Variants in NAP1L4 observed in about 807,000 individuals in gnomAD.
NAP1L4 encodes nucleosome assembly protein 1-like 4.
A neutral mutation model predicts 58.2 loss-of-function variants in NAP1L4; 15 were observed. That is an observed-to-expected ratio of 0.26 (90% CI 0.17 to 0.40). The LOEUF (loss-of-function observed/expected upper bound fraction) is 0.40. Among genes scored for constraint, NAP1L4 ranks in the 10% least tolerant of loss-of-function variants. The pLI is 1.00. For missense variants in NAP1L4, 384 were observed against 451.1 expected (o/e 0.85, Z 1.35); for synonymous variants, 171 against 155.6 (o/e 1.10, Z -0.74).
chr11:2,954,391 A>C lies in NAP1L4; in HGVS notation c.1035+136T>G. 1 of 1,244,798 alleles carries C rather than the reference A, an allele frequency of 8.0e-7. No individual in the cohort carries two copies. Among genetic ancestry groups the C allele is most frequent in the South Asian group, 1.3e-5 (1 of 79,094 alleles). 77.1% of individuals were successfully genotyped at this position (1,244,798 alleles called of 1,614,324 possible). On this transcript the variant is annotated intron_variant, in intron 12 of 15. Coordinates refer to ENST00000380542, the MANE Select transcript of NAP1L4 (RefSeq NM_005969.4). The surrounding 1 kb of genome is among the most constrained non-coding windows in gnomAD (Gnocchi z 4.8). The stretch of plus-strand genomic sequence containing the variant: ...GTATTCCCCCCACAACAAGGACAGC[A>C]GCTTGGACTACATATCTGGCTGATG...
At chr11:2,958,292 C>T in intron 10 of NAP1L4, 107 bp downstream of exon 10, 1 of 1,205,104 alleles carries the variant, frequency 8.3e-7, no homozygotes, top group Non-Finnish European at 1.2e-6. Context: ...ACTGACCACA[C>T]TTGCCTGAAA....
At chr11:2,974,532 AT>A (rs1847836663) in intron 4 of NAP1L4, among the ~76,000 whole-genome samples, 1 of 152,206 alleles carries the variant, frequency 6.6e-6, no homozygotes, top group African/African-American at 2.4e-5. Flanking sequence ...TGCAAAAAAA[AT>A]AACATCAAAA....
At chr11:2,986,277 G>C (rs1252527113) in intron 1 of NAP1L4, among the ~76,000 whole-genome samples, 1 of 151,982 alleles carries the variant, frequency 6.6e-6, no homozygotes, top group Non-Finnish European at 1.5e-5. Flanking sequence ...AGGAGGCTGA[G>C]GCAGGAGAAC....
chr11:2,962,971 G>A (rs1403695708), intron 8 of NAP1L4, among the ~76,000 whole-genome samples: 7 of 151,376 alleles, frequency 4.6e-5, no homozygotes, highest in Non-Finnish European at 7.4e-5. Context: ...GTGGTGGTGC[G>A]TGCCTGTAGT....
At position 2,948,720 on chromosome 11, in the gene NAP1L4, A is replaced by G. The variant is rs968270570; in HGVS notation, c.*32+507T>C. On this transcript the variant is annotated intron_variant, in intron 15 of 15. Transcript: ENST00000380542. This position sits in a 1 kb window ranked among gnomAD's most constrained non-coding sequence, Gnocchi z 5.1. ...TGTTTCAGATAAAAAATGCTGGCACAGTAAAAGCTGTTACCCCTCTGTGTA... is the reference window on the plus strand; with the variant it reads ...TGTTTCAGATAAAAAATGCTGGCACGGTAAAAGCTGTTACCCCTCTGTGTA... Among the ~76,000 whole-genome samples the G allele has an allele frequency of 6.6e-6, 1 of 152,268 alleles. No homozygotes were observed. Among genetic ancestry groups the G allele is most frequent in the Admixed American group, 6.5e-5 (1 of 15,290 alleles).
chr11:2,972,879 G>C (rs961613976), intron 4 of NAP1L4, among the ~76,000 whole-genome samples: 3 of 152,178 alleles, frequency 2.0e-5, no homozygotes, highest in African/African-American at 7.2e-5. Flanking sequence ...GCTGAGGTGG[G>C]AGGATCACTT....
intron 12 of NAP1L4, chr11:2,952,598 A>G (rs1322570993): frequency 6.6e-6 from 1 of 152,292 alleles, no homozygotes; most frequent in Non-Finnish European, 1.5e-5. Flanking sequence ...GAGTTCACAC[A>G]GTGTGCACAG....
Position 2,959,492 on chromosome 11 carries a change from T to C in NAP1L4, c.746+278A>G, listed in dbSNP as rs2071115. Among the ~76,000 whole-genome samples, 43,974 of 152,128 alleles carry C rather than the reference T, an allele frequency of 0.29. 7,229 individuals carry two copies. The highest frequency in any genetic ancestry group is 0.45 in the African/African-American group (18,640 of 41,480). On this transcript the variant is annotated intron_variant, in intron 9 of 15. Coordinates refer to ENST00000380542, the MANE Select transcript of NAP1L4 (RefSeq NM_005969.4). This position sits in a 1 kb window ranked among gnomAD's most constrained non-coding sequence, Gnocchi z 4.9. ...ACTTCAATTCACGATGTCTAGAGAA[T>C]CCACTACTTTCATTAAAATGAAGAA...
At chr11:2,952,472 A>G (rs934409520) in intron 12 of NAP1L4, 3 of 152,448 alleles carry the variant, frequency 2.0e-5, no homozygotes, top group African/African-American at 7.2e-5. Flanking sequence ...TAACAAGGGT[A>G]GTGCATGAAA....
At chr11:2,947,602 G>C (rs746051115) in intron 15 of NAP1L4, among the ~76,000 whole-genome samples, 46 of 151,786 alleles carry the variant, frequency 3.0e-4, no homozygotes, top group Admixed American at 2.9e-3. Flanking sequence ...ATTGTTTTTA[G>C]CTTGTGACAC....
chr11:2,976,390 T>C (rs1350592745), intron 3 of NAP1L4, among the ~76,000 whole-genome samples: 2 of 152,224 alleles, frequency 1.3e-5, no homozygotes, highest in African/African-American at 4.8e-5. Context: ...ACCAGGACTG[T>C]GGCTGTTTAA....
chr11:2,954,257 T>C lies in NAP1L4; in HGVS notation c.1035+270A>G. 1 of 529,648 alleles carries C rather than the reference T, an allele frequency of 1.9e-6. No homozygotes were observed. Among genetic ancestry groups the C allele is most frequent in the Non-Finnish European group, 3.4e-6 (1 of 293,570 alleles). 32.8% of individuals were successfully genotyped at this position (529,648 alleles called of 1,614,324 possible). ...TGAAGCTTAGGTTTTGAGAGAATATTGTTGAGTCACTAGGCAGGGCTCACA... is the reference window on the plus strand; with the variant it reads ...TGAAGCTTAGGTTTTGAGAGAATATCGTTGAGTCACTAGGCAGGGCTCACA... On this transcript the variant is annotated intron_variant, in intron 12 of 15. Coordinates refer to ENST00000380542, the MANE Select transcript of NAP1L4 (RefSeq NM_005969.4). This position sits in a 1 kb window ranked among gnomAD's most constrained non-coding sequence, Gnocchi z 4.8.
rs1846054361 is a variant in NAP1L4, at chr11:2,948,479, GGTCTC to G, written c.*32+743_*32+747del. Among the ~76,000 whole-genome samples the G allele has an allele frequency of 6.6e-6, 1 of 152,176 alleles. No homozygotes were observed. Among genetic ancestry groups the G allele is most frequent in the African/African-American group, 2.4e-5 (1 of 41,432 alleles). On this transcript the variant is annotated intron_variant, in intron 15 of 15. Coordinates refer to ENST00000380542, the MANE Select transcript of NAP1L4 (RefSeq NM_005969.4). This position sits in a 1 kb window ranked among gnomAD's most constrained non-coding sequence, Gnocchi z 5.1. The stretch of plus-strand genomic sequence containing the variant: ...ACATCCCGAGTGCCACGAGTGAACA[GGTCTC>G]GTCACGGGCAAGAGCCTCTGTCTAC...
At chr11:2,973,571 C>A (rs1847771065) in intron 4 of NAP1L4, among the ~76,000 whole-genome samples, 1 of 152,144 alleles carries the variant, frequency 6.6e-6, no homozygotes, top group African/African-American at 2.4e-5. Flanking sequence ...CCTTGCATCC[C>A]AAAGGACCAC....
At position 2,944,729 on chromosome 11, in the gene NAP1L4, G is replaced by C. The variant is rs1845850319; in HGVS notation, c.*950C>G. The C allele has an allele frequency of 6.6e-6, 1 of 152,218 alleles. No homozygotes were observed. The highest frequency in any genetic ancestry group is 1.5e-5 in the Non-Finnish European group (1 of 68,048). The allele number at this position is 152,218 out of a possible 1,614,324, so 9.4% of individuals were successfully genotyped here. ...TGACGCTCATACGCTCCACTGAAACGCAGGACTTCCCAGCCCAGTCCCTCA... is the reference window on the plus strand; with the variant it reads ...TGACGCTCATACGCTCCACTGAAACCCAGGACTTCCCAGCCCAGTCCCTCA... On this transcript the variant is annotated 3_prime_UTR_variant, in exon 16 of 16. Coordinates refer to ENST00000380542, the MANE Select transcript of NAP1L4 (RefSeq NM_005969.4).
rs370527709 is a variant in NAP1L4, at chr11:2,958,434, T to C, written c.857A>G (p.Asn286Ser). Reference sequence around the variant, plus strand: ...ATTGAAGAAGTTGAAAAAGGACTCATTGGGTACTTGTTTCGTAATTGTTCT... The same window carrying C: ...ATTGAAGAAGTTGAAAAAGGACTCACTGGGTACTTGTTTCGTAATTGTTCT... Reference protein sequence around the residue: ...TVRTITKQVPNESFFNFFNPL... With the variant: ...TVRTITKQVPSESFFNFFNPL... Residue 286 changes from asparagine to serine, a missense_variant, in exon 10 of 16, where the codon AAT becomes AGT. Asn to Ser is a conservative substitution (Grantham distance 46). Coordinates refer to ENST00000380542, the MANE Select transcript of NAP1L4 (RefSeq NM_005969.4). 5 of 1,614,226 alleles carry C rather than the reference T, an allele frequency of 3.1e-6. No homozygotes were observed. The highest frequency in any genetic ancestry group is 1.3e-5 in the African/African-American group (1 of 75,068).
Position 2,948,253 on chromosome 11 carries a change from A to C in NAP1L4, c.*32+974T>G, listed in dbSNP as rs1375149946. On this transcript the variant is annotated intron_variant, in intron 15 of 15. Coordinates refer to ENST00000380542, the MANE Select transcript of NAP1L4 (RefSeq NM_005969.4). This position sits in a 1 kb window ranked among gnomAD's most constrained non-coding sequence, Gnocchi z 5.1. ...TGTACCATCAGTTTCCCATGAAAGC[A>C]GCCTACATGAGGAAGACAGGGAGGC... Among the ~76,000 whole-genome samples, 3 of 152,218 alleles carry C rather than the reference A, an allele frequency of 2.0e-5. No individual in the cohort carries two copies. The highest frequency in any genetic ancestry group is 2.0e-4 in the Admixed American group (3 of 15,280).
At chr11:2,952,217 G>T (rs1182313802) in intron 12 of NAP1L4, 3 of 203,938 alleles carry the variant, frequency 1.5e-5, no homozygotes, top group Non-Finnish European at 3.0e-5. Context: ...ATTGGATACA[G>T]GAATCTGGGT....
At chr11:2,981,354 G>A (rs1188385439) in intron 1 of NAP1L4, among the ~76,000 whole-genome samples, 2 of 145,180 alleles carry the variant, frequency 1.4e-5, no homozygotes, top group Non-Finnish European at 3.0e-5. Context: ...AGGCCTGGCG[G>A]CTGCAGTGAC....
Sources: gnomAD v4.1 joint callset for allele counts (sites outside exome capture counted in the v4.1 genomes callset) on GRCh38, gnomAD v4.1.1 for gene constraint, Gnocchi (gnomAD v3.1) non-coding constraint, MANE v1.5 for transcripts, NCBI Gene and HGNC (gene_info 2026-07-23, HGNC 2026-07-21) for gene names.